The following ABCB5 variants were observed in gnomAD, a reference collection of about 807,000 sequenced individuals.
The protein encoded by ABCB5 is ATP-binding cassette sub-family B member 5.
A neutral mutation model predicts 144.2 loss-of-function variants in ABCB5; 155 were observed. That is an observed-to-expected ratio of 1.08 (90% CI 0.94 to 1.23). The LOEUF (loss-of-function observed/expected upper bound fraction) is 1.23. Among genes scored for constraint, ABCB5 ranks in the 50% most tolerant of loss-of-function variants. The probability of loss-of-function intolerance (pLI) is 0.00; values close to 1 mark genes in which losing one functional copy is unlikely to be tolerated. For synonymous variants in ABCB5, 610 were observed against 528.6 expected (o/e 1.15, Z -2.11); for missense variants, 1,830 against 1,520.8 (o/e 1.20, Z -3.38).
chr7:20,726,951 T>C (rs1406869866), intron 21 of ABCB5, 89 bp from the exon 22 acceptor site: 4 of 776,292 alleles, frequency 5.2e-6, no homozygotes, highest in Non-Finnish European at 7.9e-6. Flanking sequence ...ACTTAATATG[T>C]CCCCAGTGTG....
chr7:20,678,476 T>C (rs1027863915), intron 14 of ABCB5, among the ~76,000 whole-genome samples: 3 of 152,158 alleles, frequency 2.0e-5, no homozygotes, highest in African/African-American at 4.8e-5. Flanking sequence ...TCCTGCTCTA[T>C]AATAGATAAG....
At chr7:20,668,599 G>C in intron 14 of ABCB5, among the ~76,000 whole-genome samples, 1 of 146,164 alleles carries the variant, frequency 6.8e-6, no homozygotes, top group African/African-American at 2.6e-5. Context: ...GTGGGGGGGG[G>C]GGTCAGCCCC....
intron 20 of ABCB5, among the ~76,000 whole-genome samples, chr7:20,712,870 T>C (rs1344909013): frequency 6.7e-6 from 1 of 149,916 alleles, no homozygotes; most frequent in Non-Finnish European, 1.5e-5. Flanking sequence ...CTATTTAACA[T>C]ATGCATTATT....
At chr7:20,741,433 A>T (rs932607302) in intron 24 of ABCB5, among the ~76,000 whole-genome samples, 7 of 152,102 alleles carry the variant, frequency 4.6e-5, no homozygotes, top group Admixed American at 2.0e-4. Flanking sequence ...ACCAAAAAAA[A>T]TTTAAAAAAT....
intron 14 of ABCB5, among the ~76,000 whole-genome samples, chr7:20,664,303 C>T (rs1360318464): frequency 1.3e-5 from 2 of 152,122 alleles, no homozygotes; most frequent in Non-Finnish European, 2.9e-5. Flanking sequence ...TACTCCAAAT[C>T]GAAGCTCTCA....
rs770028235 is a variant in ABCB5, at chr7:20,681,593, T to A, written c.1796T>A (p.Met599Lys). The A allele has an allele frequency of 1.2e-6, 2 of 1,614,220 alleles. No individual in the cohort carries two copies. The highest frequency in any genetic ancestry group is 2.2e-5 in the South Asian group (2 of 91,090). The part of the protein sequence containing the change: ...ADLIVTLKDG[M>K]LAEKGAHAEL... ...TTGATTGTGACCCTAAAGGATGGAATGCTGGCGGAGAAAGGAGCACATGCT... is the reference window on the plus strand; with the variant it reads ...TTGATTGTGACCCTAAAGGATGGAAAGCTGGCGGAGAAAGGAGCACATGCT... Residue 599 changes from methionine (M) to lysine (K), a missense_variant, in exon 15 of 28, where the codon ATG becomes AAG. By Grantham distance (95) the Met-to-Lys change is moderately conservative (BLOSUM62 -1). Coordinates refer to ENST00000404938, the MANE Select transcript of ABCB5 (RefSeq NM_001163941.2).
intron 1 of ABCB5, among the ~76,000 whole-genome samples, chr7:20,621,399 T>C (rs1783802433): frequency 6.6e-6 from 1 of 152,150 alleles, no homozygotes; most frequent in African/African-American, 2.4e-5. Context: ...ATGTATATTT[T>C]GATAAAATTA....
chr7:20,745,134 C>A, intron 25 of ABCB5, 98 bp from the exon 26 acceptor site: 2 of 1,248,078 alleles, frequency 1.6e-6, no homozygotes, highest in Non-Finnish European at 2.3e-6. Flanking sequence ...GAATTCCTAT[C>A]CTTCTTGTTA....
intron 5 of ABCB5, among the ~76,000 whole-genome samples, chr7:20,639,594 GA>G (rs974199813): frequency 1.3e-5 from 2 of 152,038 alleles, no homozygotes; most frequent in South Asian, 4.1e-4. Flanking sequence ...ACCATTTGTT[GA>G]AAAAACAGTC....
At chr7:20,643,845 A>G (rs1317639125) in intron 7 of ABCB5, among the ~76,000 whole-genome samples, 1 of 152,242 alleles carries the variant, frequency 6.6e-6, no homozygotes, top group Non-Finnish European at 1.5e-5. Context: ...TTAATAGCTT[A>G]CTAACATTGA....
At position 20,645,980 on chromosome 7, in the gene ABCB5, G is replaced by A. The variant is rs1422671115; in HGVS notation, c.823G>A (p.Asp275Asn). ...ELQRYTQNLK[D>N]AKDFGIKRTI... ...TGTAAGGTATACACAGAATCTCAAAGATGCAAAGGATTTTGGCATAAAAAG... is the reference window on the plus strand; with the variant it reads ...TGTAAGGTATACACAGAATCTCAAAAATGCAAAGGATTTTGGCATAAAAAG... Residue 275 changes from aspartate (D) to asparagine (N), a missense_variant, in exon 9 of 28, where the codon GAT (aspartate) becomes AAT (asparagine). Asp to Asn is a conservative substitution (Grantham distance 23). Transcript: ENST00000404938. 2 of 1,613,572 alleles carry A rather than the reference G, an allele frequency of 1.2e-6. No homozygotes were observed. Among genetic ancestry groups the A allele is most frequent in the Non-Finnish European group, 8.5e-7 (1 of 1,179,732 alleles).
At chr7:20,631,465 A>G (rs901857449) in intron 4 of ABCB5, among the ~76,000 whole-genome samples, 11 of 152,192 alleles carry the variant, frequency 7.2e-5, no homozygotes, top group African/African-American at 2.4e-4. Context: ...AATCATGGAT[A>G]TCAACCATGG....
At chr7:20,692,470 C>A (rs890897233) in intron 16 of ABCB5, among the ~76,000 whole-genome samples, 8 of 151,220 alleles carry the variant, frequency 5.3e-5, no homozygotes, top group African/African-American at 1.7e-4. Context: ...AGCACACCTA[C>A]ACTACAAGAA....
chr7:20,715,938 T>C (rs1357954738), intron 20 of ABCB5, among the ~76,000 whole-genome samples: 1 of 152,034 alleles, frequency 6.6e-6, no homozygotes, highest in Admixed American at 6.6e-5. Flanking sequence ...CAGGCTGGTA[T>C]CGAACTCCTG....
intron 5 of ABCB5, among the ~76,000 whole-genome samples, chr7:20,640,497 A>C (rs1206231902): frequency 6.6e-6 from 1 of 152,198 alleles, no homozygotes. Flanking sequence ...GCCTTCTTGC[A>C]CTAAGGAGCG....
chr7:20,713,979 C>T (rs1407878263), intron 20 of ABCB5, among the ~76,000 whole-genome samples: 3 of 152,196 alleles, frequency 2.0e-5, no homozygotes, highest in Non-Finnish European at 2.9e-5. Flanking sequence ...CTATTGGGCT[C>T]TTTGCACTGC....
At chr7:20,629,145 CGTGTGTGTGTGTGT>C (rs149986314) in intron 4 of ABCB5, among the ~76,000 whole-genome samples, 3 of 135,058 alleles carry the variant, frequency 2.2e-5, no homozygotes, top group Non-Finnish European at 4.7e-5. Flanking sequence ...AGAGAGACTG[CGTGTGTGTGTGTGT>C]GTGTGTGTGT....
At chr7:20,739,196 G>C in intron 24 of ABCB5, 57 bp downstream of exon 24, 5 of 1,468,120 alleles carry the variant, frequency 3.4e-6, no homozygotes, top group Non-Finnish European at 4.5e-6. Context: ...TAGGAACTGG[G>C]GGCCACTGAA....
chr7:20,653,150 T>G (rs1784658228), intron 13 of ABCB5, among the ~76,000 whole-genome samples: 1 of 152,234 alleles, frequency 6.6e-6, no homozygotes, highest in African/African-American at 2.4e-5. Flanking sequence ...ATTAGGGAGC[T>G]TTCTGATGCC....
Sources: allele counts gnomAD v4.1 joint callset (sites outside exome capture counted in the v4.1 genomes callset), GRCh38; gene constraint gnomAD v4.1.1; transcripts MANE v1.5; gene names NCBI Gene and HGNC (gene_info 2026-07-23, HGNC 2026-07-21).